The following VIL1 variants were observed in gnomAD, a reference collection of about 807,000 sequenced individuals.
VIL1 encodes villin-1.
In VIL1, 86 loss-of-function variants were observed where a neutral mutation model predicts 104.0. That is an observed-to-expected ratio of 0.83 (90% CI 0.69 to 0.99). VIL1 has a LOEUF of 0.99. Ranked by LOEUF, VIL1 falls within the 50% of genes least tolerant of loss-of-function variation. The probability of loss-of-function intolerance (pLI) is 0.00; values close to 1 mark genes in which losing one functional copy is unlikely to be tolerated. For synonymous variants in VIL1, 394 were observed against 412.6 expected (o/e 0.95, Z 0.55); for missense variants, 944 against 1,054.1 (o/e 0.90, Z 1.45).
chr2:218,441,263 C>T (rs895499204), intron 19 of VIL1, among the ~76,000 whole-genome samples: 8 of 151,954 alleles, frequency 5.3e-5, no homozygotes, highest in South Asian at 2.1e-4. Flanking sequence ...GTGGTGTATG[C>T]CTGTAATCCC....
chr2:218,446,760 C>CTTTTTTTTTT (rs71064450), intron 19 of VIL1, among the ~76,000 whole-genome samples: 4 of 125,608 alleles, frequency 3.2e-5, no homozygotes, highest in East Asian at 2.1e-4. Flanking sequence ...GTGACCTTGA[C>CTTTTTTTTTT]TTTTTTTTTT....
At chr2:218,436,776 AAAG>A in intron 16 of VIL1, 150 bp downstream of exon 16, 1 of 1,072,010 alleles carries the variant, frequency 9.3e-7, no homozygotes, top group East Asian at 2.5e-5. Context: ...GAAGTGTAAG[AAAG>A]AAGGAAGGTG....
intron 3 of VIL1, 43 bp from the exon 4 acceptor site, chr2:218,425,572 T>C (rs748921266): frequency 1.0e-5 from 16 of 1,603,168 alleles, no homozygotes; most frequent in Non-Finnish European, 1.4e-5. Flanking sequence ...GGAGGGGCTG[T>C]GGGAGCCCAG....
At chr2:218,425,080 TTTA>T (rs1688956733) in intron 3 of VIL1, among the ~76,000 whole-genome samples, 2 of 151,958 alleles carry the variant, frequency 1.3e-5, no homozygotes, top group African/African-American at 4.8e-5. Flanking sequence ...ATTTTATGTA[TTTA>T]TTATTATTAT....
chr2:218,436,723 T>C, intron 16 of VIL1, 97 bp downstream of exon 16: 1 of 1,444,010 alleles, frequency 6.9e-7, no homozygotes, highest in Non-Finnish European at 9.4e-7. Context: ...CAATGTTTTC[T>C]TGGCCCTTAC....
rs770688355 is a variant in VIL1 at position 218,436,499 on chromosome 2, T to C, written c.1844T>C (p.Leu615Pro). 9 of 1,613,816 alleles carry C rather than the reference T, an allele frequency of 5.6e-6. No homozygotes were observed. The South Asian group carries it at 9.9e-5, about 18-fold the overall frequency. ...TCCTGCAGACTACAGGAAGAAAACC[T>C]GGTCATCACCCCCCGGCTCTTTGAG... ...ANTKRLQEENLVITPRLFECS... is the reference protein window; with the variant it reads ...ANTKRLQEENPVITPRLFECS... The change falls in exon 16 of 20, where the codon CTG (leucine) becomes CCG (proline). Residue 615 changes from leucine (L) to proline (P), a missense_variant. Physicochemically the swap from Leu to Pro is moderately conservative, Grantham distance 98. Coordinates refer to ENST00000248444, the MANE Select transcript of VIL1 (RefSeq NM_007127.3).
chr2:218,432,492 G>A (rs1368423420), intron 12 of VIL1: 12 of 690,314 alleles, frequency 1.7e-5, no homozygotes, highest in East Asian at 1.1e-4. Flanking sequence ...GTGGTGTGGT[G>A]CCTGTGATGT....
rs1167187646 is a variant in VIL1 at position 218,429,890 on chromosome 2, G to A, written c.891G>A (p.Val297=). ...ACCAGGGGGGCCTGAAGATCTACGT[G>A]TGGAAAGGGAAGAAAGCCAATGAGC... The part of the protein sequence containing the change: ...ILDQGGLKIY[V]WKGKKANEQE... Residue 297 remains valine (V), a synonymous_variant, in exon 9 of 20, where the codon GTG becomes GTA. Coordinates refer to ENST00000248444, the MANE Select transcript of VIL1 (RefSeq NM_007127.3). 1.2e-6 allele frequency: 2 copies of A among 1,612,988 alleles called. No homozygotes were observed. The highest frequency in any genetic ancestry group is 2.7e-5 in the African/African-American group (2 of 74,762).
intron 14 of VIL1, 54 bp downstream of exon 14, chr2:218,434,759 C>G (rs1689159449): frequency 6.5e-7 from 1 of 1,546,300 alleles, no homozygotes; most frequent in African/African-American, 1.4e-5. Context: ...TGGGAGTCCC[C>G]CAGTTTCGCA....
At chr2:218,441,094 G>C (rs988237648) in intron 19 of VIL1, among the ~76,000 whole-genome samples, 3 of 152,040 alleles carry the variant, frequency 2.0e-5, no homozygotes, top group Non-Finnish European at 4.4e-5. Context: ...GCTGTGAAGA[G>C]TATTACAAAC....
Position 218,430,830 on chromosome 2 carries a change from T to C in VIL1, c.1054T>C (p.Ser352Pro). The stretch of plus-strand genomic sequence containing the variant: ...GCAGCTCTTCCAGAAGTGGACAGCG[T>C]CCAACCGGACCTCAGGCCTAGGCAA... ...FQQLFQKWTA[S>P]NRTSGLGKTH... Residue 352 changes from serine (S) to proline (P), a missense_variant, in exon 10 of 20, where the codon TCC becomes CCC. Ser to Pro is a moderately conservative substitution (Grantham distance 74). Transcript: ENST00000248444. 1 of 1,613,940 alleles carries C rather than the reference T, an allele frequency of 6.2e-7. No homozygotes were observed. Among genetic ancestry groups the C allele is most frequent in the East Asian group, 2.2e-5 (1 of 44,880 alleles).
chr2:218,435,182 C>T, intron 14 of VIL1, 107 bp from the exon 15 acceptor site: 2 of 1,493,488 alleles, frequency 1.3e-6, no homozygotes, highest in Non-Finnish European at 1.8e-6. Flanking sequence ...ACACAAGGTC[C>T]TGACCCAGGA....
At chr2:218,427,252 C>T (rs911505930) in intron 4 of VIL1, among the ~76,000 whole-genome samples, 3 of 152,164 alleles carry the variant, frequency 2.0e-5, no homozygotes, top group Non-Finnish European at 4.4e-5. Context: ...GGAGTGGCAC[C>T]TCTCCATTCT....
intron 19 of VIL1, 70 bp downstream of exon 19, chr2:218,440,932 G>C: frequency 1.3e-6 from 2 of 1,578,268 alleles, no homozygotes; most frequent in Non-Finnish European, 1.7e-6. Context: ...TCCCAGATTT[G>C]GCCCTGCAGG....
chr2:218,423,988 C>T (rs1688935659), intron 2 of VIL1, 135 bp downstream of exon 2: 2 of 945,080 alleles, frequency 2.1e-6, no homozygotes, highest in East Asian at 2.6e-5. Flanking sequence ...CCCCTCACCT[C>T]CCGCATCATC....
chr2:218,445,228 T>C (rs1689345694), intron 19 of VIL1, among the ~76,000 whole-genome samples: 1 of 152,000 alleles, frequency 6.6e-6, no homozygotes, highest in Non-Finnish European at 1.5e-5. Flanking sequence ...AGTGAGACCC[T>C]GTCTCTACAA....
Position 218,435,404 on chromosome 2 carries a change from G to A in VIL1, c.1796G>A (p.Gly599Asp), listed in dbSNP as rs1283881193. The A allele has an allele frequency of 6.2e-7, 1 of 1,614,172 alleles. No individual in the cohort carries two copies. Among genetic ancestry groups the A allele is most frequent in the South Asian group, 1.1e-5 (1 of 91,086 alleles). The change falls in exon 15 of 20, where the codon GGT becomes GAT. Residue 599 changes from glycine (G) to aspartate (D), a missense_variant. Physicochemically the swap from Gly to Asp is moderately conservative, Grantham distance 94 (BLOSUM62 -1). Coordinates refer to ENST00000248444, the MANE Select transcript of VIL1 (RefSeq NM_007127.3). The part of the protein sequence containing the change: ...QEPANFWMAL[G>D]GKAPYANTKR... The stretch of plus-strand genomic sequence containing the variant: ...CCAGCCAACTTCTGGATGGCCCTGG[G>A]TGGGAAGGCCCCCTATGCCAACACC...
chr2:218,449,360 C>T lies in VIL1; in HGVS notation c.*24C>T, dbSNP rs1689427125. 1 of 1,548,454 alleles carries T rather than the reference C, an allele frequency of 6.5e-7. No individual in the cohort carries two copies. Among genetic ancestry groups the T allele is most frequent in the Non-Finnish European group, 8.9e-7 (1 of 1,120,762 alleles). ...GAGAAGAGTAGCTGTGGTTGTAAAG[C>T]AGTACCCTACCCTGATTGTAGGGTC... On this transcript the variant is annotated 3_prime_UTR_variant, in exon 20 of 20. Transcript: ENST00000248444.
Position 218,440,853 on chromosome 2 carries a change from C to G in VIL1, c.2361C>G (p.Ser787Arg). The G allele has an allele frequency of 6.2e-7, 1 of 1,614,002 alleles. No individual in the cohort carries two copies. The highest frequency in any genetic ancestry group is 8.5e-7 in the Non-Finnish European group (1 of 1,179,962). The change falls in exon 19 of 20, where the codon AGC becomes AGG. Residue 787 changes from serine (S) to arginine (R), a missense_variant. Ser to Arg is a moderately radical substitution (Grantham distance 110, BLOSUM62 -1). Transcript: ENST00000248444. ...VEELPEGVDP[S>R]RKEEHLSIED... Reference sequence around the variant, plus strand: ...AGCTCCCCGAGGGTGTGGACCCCAGCAGGAAGGAGGTAGGTCAGATTCTCA... The same window carrying G: ...AGCTCCCCGAGGGTGTGGACCCCAGGAGGAAGGAGGTAGGTCAGATTCTCA...
Sources: gnomAD v4.1 joint callset for allele counts (sites outside exome capture counted in the v4.1 genomes callset) on GRCh38, gnomAD v4.1.1 for gene constraint, MANE v1.5 for transcripts, NCBI Gene and HGNC (gene_info 2026-07-23, HGNC 2026-07-21) for gene names.